Variants in SWT1 observed in about 807,000 individuals in gnomAD.
SWT1 encodes the protein SWT1 RNA endoribonuclease homolog.
SWT1 carries 33 observed loss-of-function variants against 107.3 expected under a neutral mutation model. The ratio of observed to expected loss-of-function variants is 0.31; its 90% CI spans 0.23 to 0.41. The LOEUF (loss-of-function observed/expected upper bound fraction) is 0.41. Ranked by LOEUF, SWT1 falls within the 10% of genes least tolerant of loss-of-function variation. SWT1 has a pLI of 1.00. For synonymous variants in SWT1, 345 were observed against 348.3 expected (o/e 0.99, Z 0.11); for missense variants, 898 against 1,028.9 (o/e 0.87, Z 1.74).
At chr1:185,168,066 T>C (rs534221215) in intron 3 of SWT1, among the ~76,000 whole-genome samples, 1 of 152,268 alleles carries the variant, frequency 6.6e-6, no homozygotes, top group African/African-American at 2.4e-5. Context: ...TTCCTCAGAG[T>C]ACGTAGAGAG....
chr1:185,265,924 A>G (rs1370514458), intron 16 of SWT1, among the ~76,000 whole-genome samples: 7 of 152,254 alleles, frequency 4.6e-5, no homozygotes, highest in South Asian at 4.1e-4. Flanking sequence ...CACACTCTCT[A>G]CAACTGTTTT....
At chr1:185,207,320 G>A (rs1346282368) in intron 13 of SWT1, among the ~76,000 whole-genome samples, 1 of 152,152 alleles carries the variant, frequency 6.6e-6, no homozygotes, top group Non-Finnish European at 1.5e-5. Flanking sequence ...CAGAACTTTT[G>A]GCTTCTTGAA....
At chr1:185,276,151 A>AT (rs1664224340) in intron 17 of SWT1, among the ~76,000 whole-genome samples, 1 of 152,118 alleles carries the variant, frequency 6.6e-6, no homozygotes, top group Non-Finnish European at 1.5e-5. Flanking sequence ...ATGATGAAAG[A>AT]TTTTTATATT....
At chr1:185,179,173 G>T (rs1655818612) in intron 5 of SWT1, among the ~76,000 whole-genome samples, 1 of 152,052 alleles carries the variant, frequency 6.6e-6, no homozygotes, top group South Asian at 2.1e-4. Context: ...GGAGGCTGAG[G>T]CAGAAGAATC....
At chr1:185,215,557 A>G (rs768681480) in intron 14 of SWT1, among the ~76,000 whole-genome samples, 16 of 152,104 alleles carry the variant, frequency 1.1e-4, no homozygotes, top group South Asian at 2.1e-4. Context: ...CCAGTAATAC[A>G]GACTTATTTT....
intron 5 of SWT1, among the ~76,000 whole-genome samples, chr1:185,178,576 A>G (rs541427492): frequency 3.9e-5 from 6 of 152,328 alleles, no homozygotes; most frequent in African/African-American, 1.4e-4. Flanking sequence ...AGTTAAATGC[A>G]TTAACTTTTC....
chr1:185,213,426 G>T (rs534659027), intron 13 of SWT1, among the ~76,000 whole-genome samples: 1 of 152,268 alleles, frequency 6.6e-6, no homozygotes, highest in South Asian at 2.1e-4. Context: ...AGAAGCCAGA[G>T]GCTTGGCTAC....
chr1:185,233,894 C>T (rs1461694701), intron 16 of SWT1, among the ~76,000 whole-genome samples: 1 of 152,118 alleles, frequency 6.6e-6, no homozygotes, highest in Non-Finnish European at 1.5e-5. Context: ...CAGGCACCCG[C>T]CACCATGCCC....
At chr1:185,215,218 C>A (rs565501753) in intron 14 of SWT1, among the ~76,000 whole-genome samples, 2 of 152,242 alleles carry the variant, frequency 1.3e-5, no homozygotes, top group Non-Finnish European at 2.9e-5. Context: ...TCTTTCTCTA[C>A]CTACCCACCT....
chr1:185,173,738 G>A lies in SWT1; in HGVS notation c.225-634G>A, dbSNP rs115259516. ...AAGAAAAAGAGAAATCGGATAGGCC[G>A]GGGTACAGTGGCTCACACCTGTAAT... On this transcript the variant is annotated intron_variant, in intron 4 of 18. Coordinates refer to ENST00000367500, the MANE Select transcript of SWT1 (RefSeq NM_017673.7). Among the ~76,000 whole-genome samples, 595 of 151,470 alleles carry A rather than the reference G, an allele frequency of 3.9e-3. 6 individuals are homozygous for A. Among genetic ancestry groups the A allele is most frequent in the African/African-American group, 0.013 (555 of 41,262 alleles).
rs1272957384 is a variant in SWT1, at chr1:185,277,030, TAAC to T, written c.2573+366_2573+368del. On this transcript the variant is annotated intron_variant, in intron 18 of 18. Transcript: ENST00000367500. ...GTTTATTTATTAATTCATTTAAAAA[TAAC>T]AACTACATGTTAAGATAAATAAAAT... 1.2e-4 allele frequency among the ~76,000 whole-genome samples: 19 copies of T among 152,272 alleles called. No individual in the cohort carries two copies. In the East Asian group the frequency reaches 2.9e-3, roughly 23 times the overall value.
chr1:185,239,715 A>G (rs868136589), intron 16 of SWT1, among the ~76,000 whole-genome samples: 4 of 151,826 alleles, frequency 2.6e-5, no homozygotes, highest in Non-Finnish European at 4.4e-5. Flanking sequence ...TTTTTTTTTC[A>G]GATAGACAAA....
In SWT1 at chr1:185,214,574, T is replaced by G; in HGVS notation, c.2040T>G (p.Ala680=). ...LLQDSRSLLH[A]FSTRSNYDGI... The stretch of plus-strand genomic sequence containing the variant: ...AGGATTCTAGAAGTTTGTTACATGC[T>G]TTCAGTACAAGGTCAAATTATGATG... Residue 680 remains alanine, a synonymous_variant, in exon 14 of 19, where the codon GCT becomes GCG. Coordinates refer to ENST00000367500, the MANE Select transcript of SWT1 (RefSeq NM_017673.7). 6.2e-7 allele frequency: 1 copy of G among 1,612,424 alleles called. No homozygotes were observed. Among genetic ancestry groups the G allele is most frequent in the Non-Finnish European group, 8.5e-7 (1 of 1,179,062 alleles).
At position 185,270,095 on chromosome 1, in the gene SWT1, GTAAT is replaced by G. The variant is rs1304317077; in HGVS notation, c.2442-1222_2442-1219del. Among the ~76,000 whole-genome samples the G allele has an allele frequency of 2.6e-5, 4 of 152,186 alleles. No homozygotes were observed. The East Asian group carries it at 5.8e-4, about 22-fold the overall frequency. On this transcript the variant is annotated intron_variant, in intron 16 of 18. Transcript: ENST00000367500. ...TGCTGTTGTAATGACTTTTCTTATAGTAATTAATTTAATTCTTGCAGTAGCCCTA... is the reference window on the plus strand; with the variant it reads ...TGCTGTTGTAATGACTTTTCTTATAGTAATTTAATTCTTGCAGTAGCCCTA...
intron 13 of SWT1, among the ~76,000 whole-genome samples, chr1:185,211,958 A>G (rs1571516819): frequency 6.6e-6 from 1 of 152,180 alleles, no homozygotes; most frequent in African/African-American, 2.4e-5. Context: ...TCGCAAGGAC[A>G]AAAAACCAAA....
chr1:185,182,089 C>G, intron 7 of SWT1, 32 bp downstream of exon 7: 1 of 1,573,426 alleles, frequency 6.4e-7, no homozygotes, highest in Non-Finnish European at 8.6e-7. Context: ...GTATGCTCCC[C>G]TATGCTTTCC....
At chr1:185,288,772 C>T (rs139193078) in intron 18 of SWT1, among the ~76,000 whole-genome samples, 23 of 152,044 alleles carry the variant, frequency 1.5e-4, no homozygotes, top group African/African-American at 3.6e-4. Context: ...GAGTTATTTA[C>T]GGGATTGAAT....
chr1:185,195,795 C>G (rs993698401), intron 10 of SWT1, among the ~76,000 whole-genome samples: 1 of 152,192 alleles, frequency 6.6e-6, no homozygotes, highest in Admixed American at 6.5e-5. Context: ...TAAATGTCTT[C>G]TTTTAAGAAG....
intron 16 of SWT1, among the ~76,000 whole-genome samples, chr1:185,260,929 TGG>T (rs1662972969): frequency 6.6e-6 from 1 of 152,194 alleles, no homozygotes; most frequent in South Asian, 2.1e-4. Context: ...ACAAAGTCTT[TGG>T]TTCCTCAAAA....
Sources: gnomAD v4.1 joint callset for allele counts (sites outside exome capture counted in the v4.1 genomes callset) on GRCh38, gnomAD v4.1.1 for gene constraint, MANE v1.5 for transcripts, NCBI Gene and HGNC (gene_info 2026-07-23, HGNC 2026-07-21) for gene names.